Variants in NRG1 observed in about 807,000 individuals in gnomAD.
The protein encoded by NRG1 is neuregulin 1, also known as pro-neuregulin-1, membrane-bound isoform.
In NRG1, 18 loss-of-function variants were observed where a neutral mutation model predicts 63.8. That is an observed-to-expected ratio of 0.28 (90% CI 0.19 to 0.42). The LOEUF (loss-of-function observed/expected upper bound fraction) is 0.42, where lower values mean the gene tolerates loss of function less well. NRG1 is among the 10% of genes least tolerant of loss of function. NRG1 has a pLI of 1.00. For missense variants in NRG1, 762 were observed against 814.7 expected, an observed-to-expected ratio of 0.94 and a Z score of 0.79; for synonymous variants, 302 against 301.3, an observed-to-expected ratio of 1.00 and a Z score of -0.02.
intron 1 of NRG1, among the ~76,000 whole-genome samples, chr8:31,854,006 T>C (rs148124295): frequency 0.98 from 139,666 of 142,748 alleles, 68,333 homozygotes; most frequent in East Asian, 1. Flanking sequence ...CTGCTGGATT[T>C]GGTTTGCCAG....
At chr8:32,367,443 G>A (rs1563368104) in intron 1 of NRG1, among the ~76,000 whole-genome samples, 1 of 151,456 alleles carries the variant, frequency 6.6e-6, no homozygotes, top group African/African-American at 2.4e-5. Flanking sequence ...CCAATTGTAT[G>A]TATTCTTTTA....
At chr8:32,019,436 G>A (rs1330842220) in intron 1 of NRG1, among the ~76,000 whole-genome samples, 1 of 152,184 alleles carries the variant, frequency 6.6e-6, no homozygotes, top group East Asian at 1.9e-4. Context: ...CAGGTACTTT[G>A]TAATGTATGT....
intron 1 of NRG1, among the ~76,000 whole-genome samples, chr8:31,742,780 G>A (rs1004210714): frequency 2.6e-5 from 4 of 151,832 alleles, no homozygotes; most frequent in African/African-American, 9.7e-5. Flanking sequence ...TTCAACATGT[G>A]GCTTCTAAGG....
At position 32,267,143 on chromosome 8, in the gene NRG1, AGG is replaced by A. The variant is rs1586511933; in HGVS notation, c.38-328684_38-328683del. Among the ~76,000 whole-genome samples the A allele has an allele frequency of 3.3e-5, 5 of 150,820 alleles. 1 individual carries two copies. The highest frequency in any genetic ancestry group is 4.2e-4 in the South Asian group (2 of 4,708). ...GGAAGGAAGGAAGGAGAAAGAAGGA[AGG>A]AAGGAGAAAGAAGGAAGGAGAAAGA... On this transcript the variant is annotated intron_variant, in intron 1 of 10. Coordinates refer to the NRG1 transcript ENST00000519301.
chr8:31,816,708 G>A (rs1172800245), intron 1 of NRG1, among the ~76,000 whole-genome samples: 1 of 152,158 alleles, frequency 6.6e-6, no homozygotes, highest in Non-Finnish European at 1.5e-5. Context: ...AATCAGGACT[G>A]GAATTTAGGG....
At chr8:31,935,735 T>C (rs2129620389) in intron 1 of NRG1, among the ~76,000 whole-genome samples, 1 of 152,324 alleles carries the variant, frequency 6.6e-6, no homozygotes, top group African/African-American at 2.4e-5. Flanking sequence ...GACAGCAGCA[T>C]CTTCTGGGGT....
chr8:32,120,402 A>G (rs1833289036), intron 1 of NRG1, among the ~76,000 whole-genome samples: 1 of 152,038 alleles, frequency 6.6e-6, no homozygotes, highest in Non-Finnish European at 1.5e-5. Context: ...AGCATCAGTA[A>G]TTTTGGAAGA....
chr8:31,666,552 T>G (rs1457238632), intron 1 of NRG1, among the ~76,000 whole-genome samples: 1 of 152,240 alleles, frequency 6.6e-6, no homozygotes, highest in African/African-American at 2.4e-5. Flanking sequence ...AGGCAAGTAA[T>G]TTCTTTCTCT....
intron 1 of NRG1, among the ~76,000 whole-genome samples, chr8:32,471,920 GA>G: frequency 6.6e-6 from 1 of 152,114 alleles, no homozygotes; most frequent in Non-Finnish European, 1.5e-5. Flanking sequence ...TGAGAATGAG[GA>G]AAATTGGTAG....
intron 1 of NRG1, among the ~76,000 whole-genome samples, chr8:31,763,238 A>G (rs938162522): frequency 7.9e-5 from 12 of 152,236 alleles, no homozygotes; most frequent in Non-Finnish European, 1.5e-4. Flanking sequence ...ACATTAAAAC[A>G]TTTCTCTGTG....
chr8:32,290,619 G>A (rs545685513), intron 1 of NRG1, among the ~76,000 whole-genome samples: 26 of 152,134 alleles, frequency 1.7e-4, no homozygotes, highest in Admixed American at 9.2e-4. Context: ...TTATGCCCAC[G>A]TGAAGTGATG....
At chr8:32,226,845 G>A (rs116344852) in intron 1 of NRG1, among the ~76,000 whole-genome samples, 1 of 152,150 alleles carries the variant, frequency 6.6e-6, no homozygotes, top group African/African-American at 2.4e-5. Context: ...CACAACAAAA[G>A]AGGAAGGAAG....
chr8:32,003,225 G>A (rs989522560), intron 1 of NRG1, among the ~76,000 whole-genome samples: 1 of 152,010 alleles, frequency 6.6e-6, no homozygotes, highest in African/African-American at 2.4e-5. Context: ...AAACTCTAAA[G>A]AAACCTTTTT....
intron 5 of NRG1, among the ~76,000 whole-genome samples, chr8:32,646,292 T>C (rs1853525893): frequency 6.6e-6 from 1 of 152,086 alleles, no homozygotes; most frequent in African/African-American, 2.4e-5. Context: ...ACAAACAAAG[T>C]CTTACATAGT....
intron 1 of NRG1, among the ~76,000 whole-genome samples, chr8:32,069,886 C>A (rs759048695): frequency 6.6e-6 from 1 of 152,146 alleles, no homozygotes; most frequent in Non-Finnish European, 1.5e-5. Context: ...CCTTCCAAGT[C>A]CTAGCAGTGT....
intron 1 of NRG1, among the ~76,000 whole-genome samples, chr8:31,867,130 C>T (rs935141558): frequency 2.0e-5 from 3 of 152,128 alleles, no homozygotes; most frequent in South Asian, 2.1e-4. Context: ...GTACAGAGAA[C>T]ATGGTCACTT....
At chr8:32,366,385 T>A (rs118024930) in intron 1 of NRG1, among the ~76,000 whole-genome samples, 8,543 of 152,076 alleles carry the variant, frequency 0.056, 317 homozygotes, top group Middle Eastern at 0.099. Flanking sequence ...AACTACCATT[T>A]TACTCTCTAC....
chr8:32,053,854 T>C (rs1437032589), intron 1 of NRG1, among the ~76,000 whole-genome samples: 1 of 152,220 alleles, frequency 6.6e-6, no homozygotes, highest in African/African-American at 2.4e-5. Flanking sequence ...TACATATCTG[T>C]GCTGTTTGTG....
intron 1 of NRG1, among the ~76,000 whole-genome samples, chr8:31,806,609 ACCTAATAC>A (rs990174482): frequency 1.9e-4 from 29 of 152,306 alleles, no homozygotes; most frequent in African/African-American, 6.7e-4. Context: ...AAATTGCTCA[ACCTAATAC>A]CCTTTCTTCT....
Sources: allele counts gnomAD v4.1 joint callset (sites outside exome capture counted in the v4.1 genomes callset), GRCh38; gene constraint gnomAD v4.1.1; transcripts MANE v1.5; gene names NCBI Gene and HGNC (gene_info 2026-07-23, HGNC 2026-07-21).